The following GET1 variants were observed in gnomAD, a reference collection of about 807,000 sequenced individuals.
The protein encoded by GET1 is congenital heart disease 5 protein.
Under a neutral mutation model 22.6 loss-of-function variants are expected in GET1, and 20 were observed. That is an observed-to-expected ratio of 0.89 (90% CI 0.62 to 1.29). The LOEUF (loss-of-function observed/expected upper bound fraction) is 1.29. Ranked by LOEUF, GET1 falls within the 50% of genes most tolerant of loss-of-function variation. The probability of loss-of-function intolerance (pLI) is 0.00; values close to 1 mark genes in which losing one functional copy is unlikely to be tolerated. For synonymous variants in GET1, 92 were observed against 83.8 expected, an observed-to-expected ratio of 1.10 and a Z score of -0.53; for missense variants, 209 against 219.9, an observed-to-expected ratio of 0.95 and a Z score of 0.31.
chr21:39,420,468 A>G (rs1204132954), intron 1 of GET1, among the ~76,000 whole-genome samples: 1 of 147,952 alleles, frequency 6.8e-6, no homozygotes, highest in Non-Finnish European at 1.5e-5. Context: ...GGCTGCAGTG[A>G]GCCGAGATCA....
chr21:39,428,496 C>G (rs1424953559), exon 2 of GET1: 2 of 1,509,434 alleles, frequency 1.3e-6, no homozygotes, highest in African/African-American at 2.9e-5. Context: ...AAAGACATAG[C>G]AAACAACCTA....
At chr21:39,381,634 C>G (rs2037560736) in intron 1 of GET1, among the ~76,000 whole-genome samples, 1 of 152,126 alleles carries the variant, frequency 6.6e-6, no homozygotes, top group Non-Finnish European at 1.5e-5. Context: ...CCATGCTCAT[C>G]TTCTTGTTTT....
chr21:39,423,298 T>C, intron 1 of GET1: 2 of 1,608,876 alleles, frequency 1.2e-6, no homozygotes, highest in Non-Finnish European at 1.7e-6. Context: ...CAAAAATTGG[T>C]TTTCTGTAAG....
intron 1 of GET1, chr21:39,428,179 T>A (rs762222633): frequency 9.5e-6 from 15 of 1,571,338 alleles, no homozygotes; most frequent in Admixed American, 1.8e-5. Context: ...TACCTTTAGA[T>A]TGGGAGATTT....
chr21:39,406,858 A>G (rs1003687811), downstream of GET1: 10 of 408,532 alleles, frequency 2.4e-5, no homozygotes, highest in Non-Finnish European at 4.3e-5. Flanking sequence ...AATGACATTC[A>G]TAGAAGAAGA....
chr21:39,422,554 C>T (rs2073945226), intron 1 of GET1: 3 of 215,026 alleles, frequency 1.4e-5, no homozygotes, highest in South Asian at 1.8e-4. Flanking sequence ...AGGCCCTGAA[C>T]GGATGCACTG....
chr21:39,412,371 T>C (rs907095369), intron 1 of GET1, among the ~76,000 whole-genome samples: 2 of 152,228 alleles, frequency 1.3e-5, no homozygotes, highest in Non-Finnish European at 2.9e-5. Context: ...ATATTGATTT[T>C]TTTGAGTCTT....
chr21:39,420,390 T>C (rs907671808), intron 1 of GET1, among the ~76,000 whole-genome samples: 1 of 151,594 alleles, frequency 6.6e-6, no homozygotes, highest in Admixed American at 6.6e-5. Context: ...AAGCGTGGTG[T>C]TGCATGCCTG....
intron 1 of GET1, among the ~76,000 whole-genome samples, chr21:39,414,738 C>CTGTGTGTGTGTGTGTGTGTGTGTGTGTG (rs763309098): frequency 9.3e-6 from 1 of 107,328 alleles, no homozygotes; most frequent in African/African-American, 3.9e-5. Context: ...CTCTCTCTCT[C>CTGTGTGTGTGTGTGTGTGTGTGTGTGTG]TCTCTGTGTG....
chr21:39,402,762 T>C (rs1569048623), downstream of GET1, among the ~76,000 whole-genome samples: 2 of 152,220 alleles, frequency 1.3e-5, no homozygotes, highest in Admixed American at 6.5e-5. Flanking sequence ...CTTTTTTCCA[T>C]GATCGTAAAG....
chr21:39,396,975 G>A lies in GET1; in HGVS notation c.*36G>A, dbSNP rs760781810. The A allele has an allele frequency of 1.4e-5, 23 of 1,605,344 alleles. No individual in the cohort carries two copies. The highest frequency in any genetic ancestry group is 1.3e-4 in the African/African-American group (10 of 74,598). ...GGATACAGCCGCGAGGCTAAAAAAC[G>A]GATTTCCTCTTCCTAGCTTAAAATC... On this transcript the variant is annotated 3_prime_UTR_variant, in exon 5 of 5. Coordinates refer to ENST00000649170, the MANE Select transcript of GET1 (RefSeq NM_004627.6).
chr21:39,389,782 T>C (rs1368623958), intron 1 of GET1, among the ~76,000 whole-genome samples: 1 of 152,200 alleles, frequency 6.6e-6, no homozygotes, highest in African/African-American at 2.4e-5. Flanking sequence ...ACTGACATTC[T>C]GCCCTGGGCC....
chr21:39,428,489 G>A (rs780853140), exon 2 of GET1: 8 of 1,548,894 alleles, frequency 5.2e-6, no homozygotes, highest in Non-Finnish European at 6.9e-6. Context: ...ATCAGCCAAA[G>A]ACATAGCAAA....
chr21:39,424,195 TAG>T (rs2074245357), intron 1 of GET1, among the ~76,000 whole-genome samples: 1 of 152,090 alleles, frequency 6.6e-6, no homozygotes, highest in Admixed American at 6.6e-5. Context: ...GTATTTTTAG[TAG>T]AGACGGAGTT....
chr21:39,420,975 G>A (rs557879228), intron 1 of GET1: 1 of 594,090 alleles, frequency 1.7e-6, no homozygotes, highest in East Asian at 2.8e-5. Flanking sequence ...CTTATACAGG[G>A]GACATATATT....
chr21:39,410,040 A>G, downstream of GET1: 1 of 1,610,804 alleles, frequency 6.2e-7, no homozygotes, highest in Non-Finnish European at 8.5e-7. Flanking sequence ...GAGGAATTTC[A>G]TGATTTATTT....
At chr21:39,391,300 C>G in intron 2 of GET1, 1 of 225,954 alleles carries the variant, frequency 4.4e-6, no homozygotes, top group South Asian at 6.1e-5. Flanking sequence ...AGCGCTTTCT[C>G]AGGGCAGCCC....
At chr21:39,412,492 G>T (rs2040261493) in intron 1 of GET1, among the ~76,000 whole-genome samples, 1 of 152,166 alleles carries the variant, frequency 6.6e-6, no homozygotes, top group Admixed American at 6.6e-5. Flanking sequence ...AAAGGCTTTG[G>T]ACTCAAGACC....
At chr21:39,404,528 T>TGA (rs1473228087) in intron 4 of GET1, among the ~76,000 whole-genome samples, 1 of 152,128 alleles carries the variant, frequency 6.6e-6, no homozygotes, top group Non-Finnish European at 1.5e-5. Context: ...GCAGATCACC[T>TGA]GAGGTCAGGA....
Sources: gnomAD v4.1 joint callset for allele counts (sites outside exome capture counted in the v4.1 genomes callset) on GRCh38, gnomAD v4.1.1 for gene constraint, MANE v1.5 for transcripts, NCBI Gene and HGNC (gene_info 2026-07-23, HGNC 2026-07-21) for gene names.